Variants in GATA4 observed in about 807,000 individuals in gnomAD.
GATA4 encodes the protein transcription factor GATA-4.
In GATA4, 7 loss-of-function variants were observed where a neutral mutation model predicts 37.9. That is an observed-to-expected ratio of 0.18 (90% CI 0.11 to 0.35). GATA4 has a LOEUF of 0.35. GATA4 is among the 10% of genes least tolerant of loss of function. The pLI is 1.00. For missense variants in GATA4, 647 were observed against 653.0 expected (o/e 0.99, Z 0.10); for synonymous variants, 372 against 292.6 (o/e 1.27, Z -2.77).
At chr8:11,695,830 A>G (rs1397689138) in intron 1 of GATA4, among the ~76,000 whole-genome samples, 5 of 152,236 alleles carry the variant, frequency 3.3e-5, no homozygotes, top group East Asian at 3.8e-4. Context: ...TGTGCCATAC[A>G]TGCTCAAGAT....
At chr8:11,732,619 G>A (rs186738288) in intron 2 of GATA4, among the ~76,000 whole-genome samples, 1 of 152,208 alleles carries the variant, frequency 6.6e-6, no homozygotes, top group African/African-American at 2.4e-5. Flanking sequence ...TCATGAACAC[G>A]TCAGGTGAAC....
intron 4 of GATA4, among the ~76,000 whole-genome samples, 185 bp from the exon 5 acceptor site, chr8:11,754,861 T>G (rs1473277201): frequency 2.0e-5 from 3 of 152,172 alleles, no homozygotes; most frequent in African/African-American, 7.2e-5. Context: ...GCTCGATAAG[T>G]TTTTTAAAAA....
chr8:11,710,751 C>T (rs1279362446), intron 2 of GATA4, among the ~76,000 whole-genome samples: 1 of 143,598 alleles, frequency 7.0e-6, no homozygotes, highest in Non-Finnish European at 1.5e-5. Flanking sequence ...GTAACCCCGA[C>T]AATCCTGGAG....
chr8:11,722,197 G>C (rs1009683525), intron 2 of GATA4, among the ~76,000 whole-genome samples: 2 of 151,854 alleles, frequency 1.3e-5, no homozygotes, highest in African/African-American at 4.9e-5. Context: ...AAAATAGAGA[G>C]TAGAATATTC....
intron 4 of GATA4, among the ~76,000 whole-genome samples, chr8:11,754,220 C>T (rs1380659205): frequency 2.0e-5 from 3 of 152,152 alleles, no homozygotes; most frequent in Admixed American, 1.3e-4. Context: ...CACCGCTGCA[C>T]CCTCACACCT....
chr8:11,699,612 G>GGCCACCGCC (rs776427029), upstream of GATA4, among the ~76,000 whole-genome samples: 42 of 152,260 alleles, frequency 2.8e-4, no homozygotes, highest in Non-Finnish European at 5.6e-4. Context: ...GCGCCTGCGT[G>GGCCACCGCC]GCCACTGCGC....
intron 2 of GATA4, among the ~76,000 whole-genome samples, chr8:11,725,111 C>T (rs1357788062): frequency 6.6e-6 from 1 of 152,214 alleles, no homozygotes; most frequent in Non-Finnish European, 1.5e-5. Flanking sequence ...ACGCTCTGTC[C>T]TTGGAGCCTC....
chr8:11,732,758 C>T (rs942923148), intron 2 of GATA4, among the ~76,000 whole-genome samples: 8 of 152,028 alleles, frequency 5.3e-5, no homozygotes, highest in Admixed American at 1.3e-4. Flanking sequence ...CTTTCCTCCC[C>T]GAAGACCAGC....
At chr8:11,706,735 T>C in intron 1 of GATA4, among the ~76,000 whole-genome samples, 1 of 152,196 alleles carries the variant, frequency 6.6e-6, no homozygotes, top group Non-Finnish European at 1.5e-5. Flanking sequence ...TTCAAGCCCC[T>C]GGAGCCCTAC....
At chr8:11,684,402 A>G (rs1799074166) in intron 1 of GATA4, among the ~76,000 whole-genome samples, 1 of 152,232 alleles carries the variant, frequency 6.6e-6, no homozygotes, top group Non-Finnish European at 1.5e-5. Context: ...AAAGTTGAAA[A>G]TGACATCTTT....
Position 11,708,702 on chromosome 8 carries a change from G to A in GATA4, c.390G>A (p.Ala130=), listed in dbSNP as rs2130070163. 1.6e-6 allele frequency: 2 copies of A among 1,260,992 alleles called. No homozygotes were observed. Among genetic ancestry groups the A allele is most frequent in the Non-Finnish European group, 2.0e-6 (2 of 1,007,896 alleles). The allele number at this position is 1,260,992 out of a possible 1,614,324, so 78.1% of individuals were successfully genotyped here. The change falls in exon 2 of 7, where the codon GCG becomes GCA. Residue 130 remains alanine, a synonymous_variant. Transcript: ENST00000532059. The surrounding 1 kb of genome is among the most constrained non-coding windows in gnomAD (Gnocchi z 6.7). The stretch of plus-strand genomic sequence containing the variant: ...CCGCTGCCGCGGCCCGGGAAGCTGC[G>A]GCCTACAGCAGTGGCGGCGGAGCGG... ...AAAAAAAREA[A]AYSSGGGAAG... is the part of the protein sequence containing the mutation.
In GATA4 at chr8:11,758,894, C is replaced by T. The variant is rs1438721124; in HGVS notation, c.*419C>T. The stretch of plus-strand genomic sequence containing the variant: ...ATGACGGCATCTGTTTGCCATGTAC[C>T]TGGATGCGACGGGCCCCTGGGGACA... On this transcript the variant is annotated 3_prime_UTR_variant, in exon 7 of 7. Transcript: ENST00000532059. 2 of 319,580 alleles carry T rather than the reference C, an allele frequency of 6.3e-6. No homozygotes were observed. 19.8% of individuals were successfully genotyped at this position (319,580 alleles called of 1,614,324 possible).
intron 2 of GATA4, among the ~76,000 whole-genome samples, chr8:11,716,800 G>A (rs969567460): frequency 3.3e-5 from 5 of 152,234 alleles, no homozygotes; most frequent in African/African-American, 1.2e-4. Flanking sequence ...TCCAGGGCAA[G>A]GTGATTCTTT....
rs1305190162 is a variant in GATA4 at position 11,727,861 on chromosome 8, C to T, written c.616+18933C>T. Among the ~76,000 whole-genome samples, 9 of 152,032 alleles carry T rather than the reference C, an allele frequency of 5.9e-5. No individual in the cohort carries two copies. The South Asian group carries it at 6.2e-4, about 11-fold the overall frequency. The stretch of plus-strand genomic sequence containing the variant: ...AAGTAAAAAAAATCCAGCTTTACCC[C>T]GTATAATGTCACCCAGTTTTCATGC... On this transcript the variant is annotated intron_variant, in intron 2 of 6. Coordinates refer to ENST00000532059, the MANE Select transcript of GATA4 (RefSeq NM_001308093.3).
At chr8:11,714,665 C>G (rs1000648121) in intron 2 of GATA4, among the ~76,000 whole-genome samples, 2 of 152,120 alleles carry the variant, frequency 1.3e-5, no homozygotes, top group Non-Finnish European at 2.9e-5. Context: ...TGTCACTTGC[C>G]CAGTTGTGTC....
intron 2 of GATA4, among the ~76,000 whole-genome samples, chr8:11,720,247 T>A (rs1305006743): frequency 6.6e-6 from 1 of 151,924 alleles, no homozygotes; most frequent in African/African-American, 2.4e-5. Context: ...TCGAGTGTCT[T>A]CCGGCATGCC....
At chr8:11,714,592 AC>A (rs1259610482) in intron 2 of GATA4, among the ~76,000 whole-genome samples, 6 of 152,136 alleles carry the variant, frequency 3.9e-5, no homozygotes, top group African/African-American at 1.2e-4. Context: ...TAAGCTGAGA[AC>A]GAATTAAATA....
At position 11,749,956 on chromosome 8, in the gene GATA4, G is replaced by A. The variant is rs569343990; in HGVS notation, c.787-155G>A. ...TCGCAGTGGCGCAGGTGACAGGAGA[G>A]TTAGGTGCCGTCACAGGTCAGAGAT... On this transcript the variant is annotated intron_variant, in intron 3 of 6. Transcript: ENST00000532059. The surrounding 1 kb of genome is among the most constrained non-coding windows in gnomAD (Gnocchi z 4.6). Among the ~76,000 whole-genome samples the A allele has an allele frequency of 3.3e-5, 5 of 152,370 alleles. No homozygotes were observed. The South Asian group carries it at 1.0e-3, about 32-fold the overall frequency.
At chr8:11,702,088 C>T (rs1368277520), upstream of GATA4, among the ~76,000 whole-genome samples, 1 of 152,156 alleles carries the variant, frequency 6.6e-6, no homozygotes, top group Admixed American at 6.5e-5. The surrounding 1 kb of genome is among the most constrained non-coding windows in gnomAD (Gnocchi z 4.4). Context: ...ATGGGGAGGG[C>T]GAGGGTGAAG....
Sources: gnomAD v4.1 joint callset for allele counts (sites outside exome capture counted in the v4.1 genomes callset) on GRCh38, gnomAD v4.1.1 for gene constraint, Gnocchi (gnomAD v3.1) non-coding constraint, MANE v1.5 for transcripts, NCBI Gene and HGNC (gene_info 2026-07-23, HGNC 2026-07-21) for gene names.